Variants in GRIK4 observed in about 807,000 individuals in gnomAD.
GRIK4 encodes the protein glutamate ionotropic receptor kainate type subunit 4, also known as glutamate receptor ionotropic, kainate 4.
A neutral mutation model predicts 104.9 loss-of-function variants in GRIK4; 40 were observed. The observed-to-expected ratio is 0.38, with a 90% CI of 0.30 to 0.50. GRIK4 has a LOEUF of 0.50. GRIK4 is among the 20% of genes least tolerant of loss of function. The pLI, the probability that GRIK4 is intolerant of heterozygous loss-of-function variation, is 0.93. For missense variants in GRIK4, 1,047 were observed against 1,308.1 expected (o/e 0.80, Z 3.08); for synonymous variants, 485 against 524.9 (o/e 0.92, Z 1.04).
chr11:120,660,434 C>G, intron 3 of GRIK4, 34 bp downstream of exon 3: 2 of 1,487,006 alleles, frequency 1.3e-6, no homozygotes, highest in Non-Finnish European at 1.9e-6. Context: ...AGTGCCCCCA[C>G]CCACTATCCC....
intron 13 of GRIK4, among the ~76,000 whole-genome samples, chr11:120,925,773 C>T (rs1164600295): frequency 6.6e-6 from 1 of 152,022 alleles, no homozygotes; most frequent in Non-Finnish European, 1.5e-5. Flanking sequence ...GAGTTCACGA[C>T]CAGTCTGGCC....
At chr11:120,857,945 CTG>C (rs1335242247) in intron 8 of GRIK4, among the ~76,000 whole-genome samples, 1 of 152,228 alleles carries the variant, frequency 6.6e-6, no homozygotes, top group Admixed American at 6.5e-5. Context: ...AGTGGAAGAC[CTG>C]GTCCTGGTCT....
At chr11:120,578,938 G>A (rs1326947443) in intron 1 of GRIK4, among the ~76,000 whole-genome samples, 4 of 152,208 alleles carry the variant, frequency 2.6e-5, no homozygotes, top group African/African-American at 9.6e-5. Context: ...GTCAGAAGTT[G>A]CGGGTTAAGT....
At chr11:120,858,575 G>A (rs1954178314) in intron 8 of GRIK4, 1 of 152,148 alleles carries the variant, frequency 6.6e-6, no homozygotes. Context: ...CCTTTAATAT[G>A]CTAGTGATTA....
chr11:120,738,209 T>A (rs1476216712), intron 3 of GRIK4, among the ~76,000 whole-genome samples: 1 of 152,236 alleles, frequency 6.6e-6, no homozygotes, highest in Non-Finnish European at 1.5e-5. Flanking sequence ...ATGCCTTAAC[T>A]GCTCAATGCT....
rs924620059 is a variant in GRIK4, at chr11:120,864,473, T to C, written c.906+2353T>C. On this transcript the variant is annotated intron_variant, in intron 9 of 20. Coordinates refer to ENST00000527524, the MANE Select transcript of GRIK4 (RefSeq NM_014619.5). Reference sequence around the variant, plus strand: ...GCCAGGAGTGTCTCGATCTCCTGACTTCGTGATCCGCCCGCCTCGGCCTCC... The same window carrying C: ...GCCAGGAGTGTCTCGATCTCCTGACCTCGTGATCCGCCCGCCTCGGCCTCC... Among the ~76,000 whole-genome samples the C allele has an allele frequency of 5.3e-5, 8 of 152,156 alleles. No homozygotes were observed. The South Asian group carries it at 6.2e-4, about 12-fold the overall frequency.
At chr11:120,527,541 C>T (rs7104647) in intron 1 of GRIK4, among the ~76,000 whole-genome samples, 6,305 of 152,282 alleles carry the variant, frequency 0.041, 429 homozygotes, top group African/African-American at 0.14. Flanking sequence ...TATCTCCTCC[C>T]AGAGGCCTAA....
chr11:120,770,581 C>A (rs1474312031), intron 3 of GRIK4, among the ~76,000 whole-genome samples: 1 of 152,180 alleles, frequency 6.6e-6, no homozygotes, highest in Non-Finnish European at 1.5e-5. Context: ...TTCTCTTATG[C>A]TATGTATGCA....
Position 120,875,172 on chromosome 11 carries a change from T to C in GRIK4, c.1093T>C (p.Phe365Leu), listed in dbSNP as rs1288990965. 1.9e-6 allele frequency: 3 copies of C among 1,613,144 alleles called. No homozygotes were observed. The highest frequency in any genetic ancestry group is 2.7e-5 in the African/African-American group (2 of 74,912). ...ELEGLTGHIE[F>L]NSKGQRSNYA... is the part of the protein sequence containing the mutation. Reference sequence around the variant, plus strand: ...GGAAGGTCTTACCGGCCACATTGAATTCAACAGCAAAGGCCAGAGGTCCAA... The same window carrying C: ...GGAAGGTCTTACCGGCCACATTGAACTCAACAGCAAAGGCCAGAGGTCCAA... The change falls in exon 11 of 21, where the codon TTC becomes CTC. Residue 365 changes from phenylalanine (F) to leucine (L), a missense_variant. By Grantham distance (22) the Phe-to-Leu change is conservative. Coordinates refer to ENST00000527524, the MANE Select transcript of GRIK4 (RefSeq NM_014619.5).
chr11:120,767,799 A>C (rs1172706796), intron 3 of GRIK4, among the ~76,000 whole-genome samples: 1 of 152,166 alleles, frequency 6.6e-6, no homozygotes, highest in Non-Finnish European at 1.5e-5. Context: ...TTTATTAAAG[A>C]GACTATCATT....
chr11:120,788,621 A>G (rs1369218340), intron 3 of GRIK4, among the ~76,000 whole-genome samples: 1 of 152,264 alleles, frequency 6.6e-6, no homozygotes, highest in Non-Finnish European at 1.5e-5. Context: ...CTCTCACCCC[A>G]GATGAGCCTG....
At chr11:120,925,995 A>G (rs921700131) in intron 13 of GRIK4, among the ~76,000 whole-genome samples, 5 of 151,998 alleles carry the variant, frequency 3.3e-5, no homozygotes, top group African/African-American at 1.2e-4. Flanking sequence ...AAGAAAGAAA[A>G]AAAAGAAAAA....
intron 1 of GRIK4, among the ~76,000 whole-genome samples, chr11:120,621,700 C>T (rs1311520899): frequency 6.6e-6 from 1 of 152,134 alleles, no homozygotes; most frequent in Non-Finnish European, 1.5e-5. Context: ...TGCCAAGTCA[C>T]AGTTCTTTGG....
At chr11:120,730,894 G>A (rs190138617) in intron 3 of GRIK4, among the ~76,000 whole-genome samples, 1 of 152,216 alleles carries the variant, frequency 6.6e-6, no homozygotes, top group East Asian at 1.9e-4. Flanking sequence ...AAATACTACT[G>A]ATTTTATATG....
At chr11:120,714,861 GT>G (rs1169551866) in intron 3 of GRIK4, among the ~76,000 whole-genome samples, 1 of 152,188 alleles carries the variant, frequency 6.6e-6, no homozygotes, top group African/African-American at 2.4e-5. Flanking sequence ...TAGGAGTCTT[GT>G]TAAGGAGGGT....
intron 1 of GRIK4, among the ~76,000 whole-genome samples, chr11:120,518,159 G>A (rs1386863058): frequency 6.6e-6 from 1 of 152,104 alleles, no homozygotes; most frequent in Non-Finnish European, 1.5e-5. Context: ...AGGCTGTGTG[G>A]TGCAATGGTT....
chr11:120,570,299 C>G (rs1156393616), intron 1 of GRIK4, among the ~76,000 whole-genome samples: 1 of 152,226 alleles, frequency 6.6e-6, no homozygotes, highest in Non-Finnish European at 1.5e-5. Flanking sequence ...CAGTATTTCT[C>G]TGTCCCACCC....
intron 13 of GRIK4, among the ~76,000 whole-genome samples, chr11:120,921,173 A>G (rs1943220184): frequency 6.6e-6 from 1 of 152,182 alleles, no homozygotes; most frequent in Non-Finnish European, 1.5e-5. Context: ...TATGATCTTC[A>G]AAGAAATTAT....
chr11:120,659,021 TA>T (rs2135236924), intron 2 of GRIK4, among the ~76,000 whole-genome samples: 1 of 152,206 alleles, frequency 6.6e-6, no homozygotes, highest in African/African-American at 2.4e-5. Context: ...GTGCTGGGAT[TA>T]CAGGCGTGAG....
Sources: allele counts gnomAD v4.1 joint callset (sites outside exome capture counted in the v4.1 genomes callset), GRCh38; gene constraint gnomAD v4.1.1; transcripts MANE v1.5; gene names NCBI Gene and HGNC (gene_info 2026-07-23, HGNC 2026-07-21).